The following TRMT11 variants were observed in gnomAD, a reference collection of about 807,000 sequenced individuals.
The protein encoded by TRMT11 is tRNA methyltransferase 11.
TRMT11 carries 53 observed loss-of-function variants against 62.8 expected under a neutral mutation model. The ratio of observed to expected loss-of-function variants is 0.84; its 90% confidence interval spans 0.68 to 1.06. The LOEUF (loss-of-function observed/expected upper bound fraction) is 1.06, where lower values mean the gene tolerates loss of function less well. Among genes scored for constraint, TRMT11 ranks in the 50% least tolerant of loss-of-function variants. The pLI, the probability that TRMT11 is intolerant of heterozygous loss-of-function variation, is 0.00. For synonymous variants in TRMT11, 188 were observed against 190.3 expected, an observed-to-expected ratio of 0.99 and a Z score of 0.10; for missense variants, 556 against 553.4, an observed-to-expected ratio of 1.00 and a Z score of -0.05.
the TRMT11 span, among the ~76,000 whole-genome samples, chr6:126,264,165 C>T: frequency 6.6e-6 from 1 of 152,236 alleles, no homozygotes; most frequent in African/African-American, 2.4e-5. Flanking sequence ...AGATATAGTC[C>T]ATTGTAAGCA....
chr6:126,128,155 T>C (rs1365985869), intron 21 of TRMT11, among the ~76,000 whole-genome samples: 1 of 152,150 alleles, frequency 6.6e-6, no homozygotes, highest in African/African-American at 2.4e-5. Context: ...CACTACACAT[T>C]GTTGGAATAC....
chr6:126,234,641 G>A, the TRMT11 span, among the ~76,000 whole-genome samples: 3 of 151,578 alleles, frequency 2.0e-5, no homozygotes, highest in Non-Finnish European at 2.9e-5. Context: ...TTGCATACTG[G>A]GATATGTTTA....
At position 126,060,085 on chromosome 6, in the gene TRMT11, T is replaced by G. The variant is rs571192240; in HGVS notation, c.*1437+6895T>G. 2.5e-4 allele frequency among the ~76,000 whole-genome samples: 38 copies of G among 152,322 alleles called. No individual in the cohort carries two copies. The South Asian group carries it at 3.5e-3, about 14-fold the overall frequency. On this transcript the variant is annotated intron_variant and NMD_transcript_variant, in intron 17 of 22. Transcript: ENST00000648977. ...CTATGCTCCAGCATTCTAGTGAACA[T>G]GAACTGTCAAGAACCATCAAGAACC... is the stretch of plus-strand genomic sequence containing the variant.
chr6:126,164,630 A>C (rs1778236597), intron 21 of TRMT11, among the ~76,000 whole-genome samples: 1 of 152,198 alleles, frequency 6.6e-6, no homozygotes, highest in South Asian at 2.1e-4. Flanking sequence ...TAGGTCTCTA[A>C]GAACTTGCTT....
rs573222019 is a variant in TRMT11 at position 126,074,529 on chromosome 6, A to G, written c.*1437+21339A>G. On this transcript the variant is annotated intron_variant and NMD_transcript_variant, in intron 17 of 22. Coordinates refer to the TRMT11 transcript ENST00000648977. ...TACCAAGAAGGCCATTCAAATGGAG[A>G]GAAAAGACACTAGGGCCTAGGAGTT... is the stretch of plus-strand genomic sequence containing the variant. Among the ~76,000 whole-genome samples, 148 of 152,278 alleles carry G rather than the reference A, an allele frequency of 9.7e-4. 1 individual carries two copies. The highest frequency in any genetic ancestry group is 3.2e-3 in the African/African-American group (135 of 41,558).
intron 17 of TRMT11, among the ~76,000 whole-genome samples, chr6:126,084,199 A>C (rs1331444145): frequency 6.6e-6 from 1 of 152,166 alleles, no homozygotes; most frequent in African/African-American, 2.4e-5. Flanking sequence ...ACCAATCTAC[A>C]TTCCCATCAA....
At chr6:126,211,381 T>C in the TRMT11 span, among the ~76,000 whole-genome samples, 6 of 152,202 alleles carry the variant, frequency 3.9e-5, no homozygotes, top group Non-Finnish European at 7.3e-5. Flanking sequence ...TCAATGGATA[T>C]ATTTTTTAAA....
At chr6:126,235,147 A>G in the TRMT11 span, among the ~76,000 whole-genome samples, 3 of 152,236 alleles carry the variant, frequency 2.0e-5, no homozygotes, top group East Asian at 3.8e-4. Flanking sequence ...TGAAAATCCC[A>G]ATGAGATACC....
At chr6:126,232,512 G>T in the TRMT11 span, among the ~76,000 whole-genome samples, 2 of 151,936 alleles carry the variant, frequency 1.3e-5, no homozygotes, top group African/African-American at 4.8e-5. Flanking sequence ...TTAGTAACTA[G>T]ACATTTTAAT....
the TRMT11 span, among the ~76,000 whole-genome samples, chr6:126,269,466 G>A: frequency 2.0e-5 from 3 of 151,986 alleles, no homozygotes; most frequent in East Asian, 1.9e-4. Flanking sequence ...ATAAAAATCA[G>A]GGGGTTAAAT....
At chr6:126,124,050 T>C (rs1282332590) in intron 21 of TRMT11, among the ~76,000 whole-genome samples, 1 of 152,096 alleles carries the variant, frequency 6.6e-6, no homozygotes, top group African/African-American at 2.4e-5. Flanking sequence ...CTAGGTTTTT[T>C]GGTTTTGTCT....
At chr6:126,042,217 G>C (rs373092573), downstream of TRMT11, among the ~76,000 whole-genome samples, 61 of 152,176 alleles carry the variant, frequency 4.0e-4, no homozygotes, top group African/African-American at 1.4e-3. Context: ...GCACATTCCT[G>C]TCTATCCTTT....
chr6:126,078,660 C>A (rs1037632560), intron 17 of TRMT11, among the ~76,000 whole-genome samples: 2 of 152,140 alleles, frequency 1.3e-5, no homozygotes, highest in Non-Finnish European at 2.9e-5. Context: ...TGAGCATGCA[C>A]GTAGCCCCAT....
chr6:126,230,400 G>A, the TRMT11 span, among the ~76,000 whole-genome samples: 4 of 152,036 alleles, frequency 2.6e-5, no homozygotes, highest in African/African-American at 9.7e-5. Flanking sequence ...CCTTAGCTTC[G>A]AACTCTGGAC....
chr6:126,201,724 C>G (rs1056036605), intron 3 of TRMT11, among the ~76,000 whole-genome samples: 1 of 151,938 alleles, frequency 6.6e-6, no homozygotes, highest in Non-Finnish European at 1.5e-5. Context: ...TACATTCTCT[C>G]TTTATTTTTA....
intron 17 of TRMT11, among the ~76,000 whole-genome samples, chr6:126,060,096 G>A (rs1336661800): frequency 6.6e-6 from 1 of 152,160 alleles, no homozygotes; most frequent in African/African-American, 2.4e-5. Flanking sequence ...GAACTGTCAA[G>A]AACCATCAAG....
At chr6:126,149,579 C>T (rs1778014617) in intron 21 of TRMT11, among the ~76,000 whole-genome samples, 2 of 152,196 alleles carry the variant, frequency 1.3e-5, no homozygotes, top group African/African-American at 4.8e-5. Flanking sequence ...TCTTACCAAA[C>T]TCAAGTTAGG....
At chr6:126,003,547 T>C (rs1583669926) in intron 7 of TRMT11, among the ~76,000 whole-genome samples, 1 of 152,186 alleles carries the variant, frequency 6.6e-6, no homozygotes, top group East Asian at 1.9e-4. Flanking sequence ...CAGAGTATAT[T>C]TCAGGCTTTT....
intron 1 of TRMT11, among the ~76,000 whole-genome samples, chr6:125,987,426 G>A (rs1459963519): frequency 6.6e-6 from 1 of 152,224 alleles, no homozygotes; most frequent in African/African-American, 2.4e-5. Context: ...GTGGTAAGAA[G>A]AGAGCAAGGG....
Sources: allele counts gnomAD v4.1 joint callset (sites outside exome capture counted in the v4.1 genomes callset), GRCh38; gene constraint gnomAD v4.1.1; transcripts MANE v1.5; gene names NCBI Gene and HGNC (gene_info 2026-07-23, HGNC 2026-07-21).